The following ZFP2 variants were observed in gnomAD, a reference collection of about 807,000 sequenced individuals.
ZFP2 encodes ZFP2 zinc finger protein.
In ZFP2, 33 loss-of-function variants were observed where a neutral mutation model predicts 36.1. That is an observed-to-expected ratio of 0.92 (90% confidence interval 0.69 to 1.22). The LOEUF (loss-of-function observed/expected upper bound fraction) is 1.22, where lower values mean the gene tolerates loss of function less well. ZFP2 is among the 50% of genes most tolerant of loss of function. The pLI is 0.00. For synonymous variants in ZFP2, 170 were observed against 178.0 expected, an observed-to-expected ratio of 0.96 and a Z score of 0.36; for missense variants, 522 against 551.4, an observed-to-expected ratio of 0.95 and a Z score of 0.53.
chr5:178,910,791 G>C (rs948318309), intron 1 of ZFP2, among the ~76,000 whole-genome samples: 2 of 152,010 alleles, frequency 1.3e-5, no homozygotes, highest in African/African-American at 4.8e-5. Flanking sequence ...TACCATCCCC[G>C]CTGGGGTTTC....
chr5:178,902,718 A>G (rs1758085358), intron 1 of ZFP2, among the ~76,000 whole-genome samples: 3 of 152,138 alleles, frequency 2.0e-5, no homozygotes, highest in Admixed American at 2.0e-4. Context: ...CAAGCTCCCT[A>G]TTATCTCTTC....
intron 4 of ZFP2, among the ~76,000 whole-genome samples, chr5:178,927,470 T>A (rs1040546099): frequency 1.3e-5 from 2 of 151,738 alleles, no homozygotes; most frequent in Non-Finnish European, 2.9e-5. Context: ...CACCTGAGAC[T>A]AGGTAATTTA....
At position 178,931,303 on chromosome 5, in the gene ZFP2, A is replaced by G. The variant is rs1214037955; in HGVS notation, c.-11A>G. ...CCGGGTATTACTGAAGATTTATGCC[A>G]TGGGGTAACAATGGAAAGGGAAGGT... is the stretch of plus-strand genomic sequence containing the variant. On this transcript the variant is annotated 5_prime_UTR_variant, in exon 5 of 5. An upstream start codon of the reference 5' UTR is lost. Coordinates refer to ENST00000361362, the MANE Select transcript of ZFP2 (RefSeq NM_030613.4). 5 of 1,574,450 alleles carry G rather than the reference A, an allele frequency of 3.2e-6. No homozygotes were observed. The highest frequency in any genetic ancestry group is 1.7e-4 in the Middle Eastern group (1 of 5,830).
chr5:178,918,342 A>T (rs1233283352), intron 4 of ZFP2, among the ~76,000 whole-genome samples: 2 of 152,242 alleles, frequency 1.3e-5, no homozygotes, highest in Non-Finnish European at 2.9e-5. Flanking sequence ...GGGTATAGAA[A>T]TAGTCTAGTT....
intron 1 of ZFP2, among the ~76,000 whole-genome samples, chr5:178,898,674 G>A (rs938018610): frequency 2.0e-5 from 3 of 152,186 alleles, no homozygotes; most frequent in Admixed American, 2.0e-4. Flanking sequence ...TTGGGAGCTC[G>A]GGTGAGCTCA....
chr5:178,916,137 A>C (rs1482097161), intron 3 of ZFP2, among the ~76,000 whole-genome samples: 1 of 97,022 alleles, frequency 1.0e-5, no homozygotes, highest in African/African-American at 3.2e-5. Flanking sequence ...GGAGGAGGAG[A>C]GGGCCCAGCA....
intron 3 of ZFP2, among the ~76,000 whole-genome samples, chr5:178,915,029 T>C (rs1172821909): frequency 6.6e-6 from 1 of 152,226 alleles, no homozygotes; most frequent in Admixed American, 6.5e-5. Context: ...CCACTCATTG[T>C]CTGAATGTTC....
intron 4 of ZFP2, among the ~76,000 whole-genome samples, chr5:178,924,221 A>G (rs1426801614): frequency 6.7e-6 from 1 of 148,308 alleles, no homozygotes; most frequent in African/African-American, 2.4e-5. Context: ...AAACCACAAA[A>G]AATTAGCCGG....
intron 4 of ZFP2, chr5:178,921,995 A>G (rs1758570410): frequency 3.2e-6 from 2 of 629,450 alleles, no homozygotes; most frequent in Non-Finnish European, 5.9e-6. Context: ...GGCCATTCTT[A>G]TTTACTGTAA....
chr5:178,922,047 C>T, intron 4 of ZFP2: 1 of 779,444 alleles, frequency 1.3e-6, no homozygotes. Context: ...AGTCAGCTAG[C>T]CACCCAAGAA....
intron 1 of ZFP2, among the ~76,000 whole-genome samples, chr5:178,907,980 T>A (rs1758199957): frequency 6.6e-6 from 1 of 152,144 alleles, no homozygotes; most frequent in African/African-American, 2.4e-5. Context: ...AAAGAAGGAA[T>A]GAGCAAGAAG....
In ZFP2 at chr5:178,908,245, G is replaced by A. The variant is rs917752709; in HGVS notation, c.-449-4339G>A. Among the ~76,000 whole-genome samples, 9 of 152,164 alleles carry A rather than the reference G, an allele frequency of 5.9e-5. No individual in the cohort carries two copies. The South Asian group carries it at 1.2e-3, about 21-fold the overall frequency. The stretch of plus-strand genomic sequence containing the variant: ...GGGCAGATCATGAGGTCAGGAGATC[G>A]AGACAATCCTGGCTAACATGGTGAA... On this transcript the variant is annotated intron_variant, in intron 1 of 4. Coordinates refer to ENST00000361362, the MANE Select transcript of ZFP2 (RefSeq NM_030613.4).
In ZFP2 at chr5:178,922,623, T is replaced by C. The variant is rs1782904313; in HGVS notation, c.-78+5913T>C. 1.9e-6 allele frequency: 3 copies of C among 1,585,466 alleles called. 1 individual carries two copies. The highest frequency in any genetic ancestry group is 1.7e-5 in the Admixed American group (1 of 59,396). Reference sequence around the variant, plus strand: ...AGCATGGCAGGTATGGCCCATCTCCTGTACGCTTGGAGCGACCTTTGTCCA... The same window carrying C: ...AGCATGGCAGGTATGGCCCATCTCCCGTACGCTTGGAGCGACCTTTGTCCA... On this transcript the variant is annotated intron_variant, in intron 4 of 4. Transcript: ENST00000361362.
At chr5:178,904,701 T>TC (rs1758131942) in intron 1 of ZFP2, among the ~76,000 whole-genome samples, 1 of 133,660 alleles carries the variant, frequency 7.5e-6, no homozygotes. Context: ...TTTTGCTTTT[T>TC]TTTTTTTTTT....
chr5:178,902,702 T>C (rs1758084816), intron 1 of ZFP2, among the ~76,000 whole-genome samples: 1 of 152,234 alleles, frequency 6.6e-6, no homozygotes, highest in South Asian at 2.1e-4. Context: ...TTCCTACTCT[T>C]GTCTCCAAGC....
intron 4 of ZFP2, among the ~76,000 whole-genome samples, chr5:178,928,464 ACT>A (rs139286512): frequency 0.084 from 12,821 of 152,212 alleles, 677 homozygotes; most frequent in Non-Finnish European, 0.12. Flanking sequence ...AAAAGGGAGA[ACT>A]CTCTGCCAAA....
chr5:178,915,249 C>T (rs1304691293), intron 3 of ZFP2, among the ~76,000 whole-genome samples: 2 of 151,142 alleles, frequency 1.3e-5, no homozygotes, highest in Non-Finnish European at 2.9e-5. Context: ...TATTTTGATA[C>T]TGTGTTTTCA....
At chr5:178,898,234 C>A (rs989960156) in intron 1 of ZFP2, among the ~76,000 whole-genome samples, 1 of 152,246 alleles carries the variant, frequency 6.6e-6, no homozygotes, top group Non-Finnish European at 1.5e-5. Context: ...GGTCCACCCA[C>A]CTTGGCCTCC....
chr5:178,898,609 A>C (rs1581824820), intron 1 of ZFP2, among the ~76,000 whole-genome samples: 1 of 152,104 alleles, frequency 6.6e-6, no homozygotes, highest in Non-Finnish European at 1.5e-5. Context: ...GTCCCTCCCC[A>C]AGGAAGAACC....
Sources: allele counts gnomAD v4.1 joint callset (sites outside exome capture counted in the v4.1 genomes callset), GRCh38; gene constraint gnomAD v4.1.1; transcripts MANE v1.5; gene names NCBI Gene and HGNC (gene_info 2026-07-23, HGNC 2026-07-21).